The following HIPK2 variants were observed in gnomAD, a reference collection of about 807,000 sequenced individuals.
HIPK2 encodes homeodomain interacting protein kinase 2, also known as homeodomain-interacting protein kinase 2.
HIPK2 carries 27 observed loss-of-function variants against 113.7 expected under a neutral mutation model. That is an observed-to-expected ratio of 0.24 (90% CI 0.17 to 0.33). HIPK2 has a LOEUF of 0.33. Among genes scored for constraint, HIPK2 ranks in the 10% least tolerant of loss-of-function variants. HIPK2 has a pLI of 1.00. For synonymous variants in HIPK2, 631 were observed against 642.2 expected (o/e 0.98, Z 0.26); for missense variants, 1,257 against 1,588.0 (o/e 0.79, Z 3.54).
intron 12 of HIPK2, among the ~76,000 whole-genome samples, chr7:139,591,431 G>A (rs1373207057): frequency 6.6e-6 from 1 of 152,046 alleles, no homozygotes; most frequent in Non-Finnish European, 1.5e-5. Flanking sequence ...ATCACCTTCA[G>A]TCTATCCACT....
intron 2 of HIPK2, among the ~76,000 whole-genome samples, chr7:139,671,560 T>G (rs2041419142): frequency 6.6e-6 from 1 of 151,342 alleles, no homozygotes; most frequent in South Asian, 2.1e-4. Flanking sequence ...AGAATAAAGT[T>G]TTTTTTTTTG....
At chr7:139,759,728 C>CA (rs1187053259) in intron 1 of HIPK2, among the ~76,000 whole-genome samples, 1 of 152,186 alleles carries the variant, frequency 6.6e-6, no homozygotes, top group Admixed American at 6.5e-5. Context: ...AGAACACACC[C>CA]ATACACACAC....
At chr7:139,737,619 G>C (rs1319008180) in intron 1 of HIPK2, among the ~76,000 whole-genome samples, 1 of 152,162 alleles carries the variant, frequency 6.6e-6, no homozygotes, top group South Asian at 2.1e-4. Context: ...TCCGGCCTCT[G>C]CTACACCAGG....
intron 7 of HIPK2, 119 bp downstream of exon 7, chr7:139,620,282 T>A (rs4732392): frequency 0.14 from 188,908 of 1,373,270 alleles, 14,462 homozygotes; most frequent in African/African-American, 0.29. Flanking sequence ...AAATACTTTG[T>A]TTAGTTGTTG....
chr7:139,587,488 C>CAAAAAAA (rs1213368741), intron 12 of HIPK2, among the ~76,000 whole-genome samples: 11 of 44,022 alleles, frequency 2.5e-4, no homozygotes, highest in African/African-American at 4.5e-4. Context: ...GACTGTGTCT[C>CAAAAAAA]AAAAAAAAAA....
rs550669344 is a variant in HIPK2 at position 139,613,121 on chromosome 7, G to A, written c.2112+81C>T. ...ACCTAACTCATTACTAGGGAGAGAG[G>A]GAGTGGAGATATATATCTTTTGTGA... On this transcript the variant is annotated intron_variant, in intron 9 of 14. Transcript: ENST00000406875. This position sits in a 1 kb window ranked among gnomAD's most constrained non-coding sequence, Gnocchi z 4.2. 41 of 1,525,558 alleles carry A rather than the reference G, an allele frequency of 2.7e-5. No individual in the cohort carries two copies. In the East Asian group the frequency reaches 8.1e-4, roughly 30 times the overall value. The allele number at this position is 1,525,558 out of a possible 1,614,324, so 94.5% of individuals were successfully genotyped here. A position where few individuals can be genotyped will look rare whatever the true frequency, so the allele number is the denominator to read the frequency against.
intron 1 of HIPK2, among the ~76,000 whole-genome samples, chr7:139,739,499 A>C (rs1053182004): frequency 6.6e-6 from 1 of 151,822 alleles, no homozygotes; most frequent in Admixed American, 6.6e-5. Context: ...AGGCAGGAGA[A>C]TTGCTTGAAC....
chr7:139,564,172 A>T lies in HIPK2; in HGVS notation c.*8755T>A. 2.6e-6 allele frequency: 1 copy of T among 389,156 alleles called. No homozygotes were observed. Among genetic ancestry groups the T allele is most frequent in the Non-Finnish European group, 4.5e-6 (1 of 220,786 alleles). The allele number at this position is 389,156 out of a possible 1,614,324, so 24.1% of individuals were successfully genotyped here. On this transcript the variant is annotated 3_prime_UTR_variant, in exon 15 of 15. Transcript: ENST00000406875. ...TGGACAATGAGTAAAACGTAAACAT[A>T]GCCTTTTACATTGATTTTGCTTTTA...
chr7:139,710,687 C>T (rs1795035928), intron 2 of HIPK2, among the ~76,000 whole-genome samples: 1 of 152,186 alleles, frequency 6.6e-6, no homozygotes, highest in South Asian at 2.1e-4. Flanking sequence ...TTAATCTCCA[C>T]CCTGATATGG....
chr7:139,707,524 G>T (rs1794938035), intron 2 of HIPK2, among the ~76,000 whole-genome samples: 1 of 152,224 alleles, frequency 6.6e-6, no homozygotes, highest in Admixed American at 6.5e-5. Context: ...AATGATTCAA[G>T]GTGACAAACT....
chr7:139,654,494 C>A (rs1801586347), intron 2 of HIPK2, among the ~76,000 whole-genome samples: 1 of 152,150 alleles, frequency 6.6e-6, no homozygotes, highest in Non-Finnish European at 1.5e-5. Flanking sequence ...CCCTGGACGA[C>A]AGAGCAAGGC....
chr7:139,629,670 G>A (rs1393767802), intron 4 of HIPK2, among the ~76,000 whole-genome samples: 1 of 152,192 alleles, frequency 6.6e-6, no homozygotes, highest in Admixed American at 6.5e-5. Flanking sequence ...CAAATGGCTG[G>A]AGATACTGCT....
chr7:139,682,328 G>C (rs1051757106), intron 2 of HIPK2, among the ~76,000 whole-genome samples: 2 of 152,136 alleles, frequency 1.3e-5, no homozygotes, highest in Non-Finnish European at 2.9e-5. Flanking sequence ...GGAACACTGG[G>C]TAAAACCCAT....
intron 1 of HIPK2, among the ~76,000 whole-genome samples, chr7:139,774,671 T>G (rs1796709169): frequency 6.6e-6 from 1 of 152,112 alleles, no homozygotes; most frequent in African/African-American, 2.4e-5. Flanking sequence ...ACACAGCATA[T>G]CTCAGGGAGA....
intron 1 of HIPK2, among the ~76,000 whole-genome samples, chr7:139,755,957 C>G (rs1262747578): frequency 2.0e-5 from 3 of 152,228 alleles, no homozygotes; most frequent in Admixed American, 6.5e-5. Context: ...TGTTTTCTTA[C>G]AGGAAATGCA....
At chr7:139,757,039 A>T (rs1796374148) in intron 1 of HIPK2, among the ~76,000 whole-genome samples, 1 of 152,146 alleles carries the variant, frequency 6.6e-6, no homozygotes, top group Non-Finnish European at 1.5e-5. Flanking sequence ...CTAATTTCTC[A>T]CCTCTATCTT....
intron 2 of HIPK2, among the ~76,000 whole-genome samples, chr7:139,633,694 C>T (rs1182560817): frequency 6.6e-6 from 1 of 151,656 alleles, no homozygotes; most frequent in Non-Finnish European, 1.5e-5. Context: ...CCTGTAATCC[C>T]AGCACTTTGG....
At chr7:139,638,186 C>T (rs1471990398) in intron 2 of HIPK2, among the ~76,000 whole-genome samples, 2 of 152,188 alleles carry the variant, frequency 1.3e-5, no homozygotes, top group African/African-American at 4.8e-5. Flanking sequence ...ACATGCTCTT[C>T]CATCTGGGCC....
At position 139,572,919 on chromosome 7, in the gene HIPK2, T is replaced by G; in HGVS notation, c.*8A>C. 6.1e-6 allele frequency: 1 copy of G among 164,958 alleles called. No individual in the cohort carries two copies. The highest frequency in any genetic ancestry group is 1.2e-5 in the Non-Finnish European group (1 of 84,574). 10.2% of individuals were successfully genotyped at this position (164,958 alleles called of 1,614,324 possible). On this transcript the variant is annotated 3_prime_UTR_variant, in exon 15 of 15. Coordinates refer to ENST00000406875, the MANE Select transcript of HIPK2 (RefSeq NM_022740.5). ...TCCCTCCCTCCCTCCCTCCCTCCCC[T>G]CCAGTGTTTATATGTAAGGGTACTG...
Sources: allele counts gnomAD v4.1 joint callset (sites outside exome capture counted in the v4.1 genomes callset), GRCh38; gene constraint gnomAD v4.1.1; non-coding constraint Gnocchi (gnomAD v3.1); transcripts MANE v1.5; gene names NCBI Gene and HGNC (gene_info 2026-07-23, HGNC 2026-07-21).